ADAMTSL1: variants seen among roughly 807,000 people sequenced by gnomAD.
The protein encoded by ADAMTSL1 is ADAMTS like 1, also known as ADAMTS-like protein 1.
ADAMTSL1 carries 126 observed loss-of-function variants against 201.8 expected under a neutral mutation model. The ratio of observed to expected loss-of-function variants is 0.62; its 90% CI spans 0.54 to 0.72. ADAMTSL1 has a LOEUF of 0.72. Ranked by LOEUF, ADAMTSL1 falls within the 30% of genes least tolerant of loss-of-function variation. The probability of loss-of-function intolerance (pLI) is 0.00; values close to 1 mark genes in which losing one functional copy is unlikely to be tolerated. For missense variants in ADAMTSL1, 2,679 were observed against 2,277.8 expected, an observed-to-expected ratio of 1.18 and a Z score of -3.59; for synonymous variants, 1,121 against 903.4, an observed-to-expected ratio of 1.24 and a Z score of -4.32.
At chr9:18,714,920 C>G (rs1484056474) in intron 14 of ADAMTSL1, among the ~76,000 whole-genome samples, 1 of 149,342 alleles carries the variant, frequency 6.7e-6, no homozygotes, top group African/African-American at 2.4e-5. Context: ...GGGCTTCATC[C>G]CTGGGATGCA....
intron 14 of ADAMTSL1, among the ~76,000 whole-genome samples, chr9:18,712,209 T>A (rs1462055166): frequency 4.1e-4 from 63 of 152,136 alleles, no homozygotes; most frequent in Non-Finnish European, 2.1e-4. Context: ...CTCCAAAGGA[T>A]CACAGTTCCT....
chr9:18,213,888 G>A (rs562034600), intron 2 of ADAMTSL1, among the ~76,000 whole-genome samples: 1 of 151,846 alleles, frequency 6.6e-6, no homozygotes, highest in South Asian at 2.1e-4. Flanking sequence ...TACACGCCTG[G>A]CTTGCTTGCT....
chr9:18,426,400 C>T (rs1819224178), intron 2 of ADAMTSL1, among the ~76,000 whole-genome samples: 1 of 152,082 alleles, frequency 6.6e-6, no homozygotes, highest in African/African-American at 2.4e-5. Context: ...AAATAATTCC[C>T]TAAGTATAAG....
At chr9:18,527,946 C>A (rs573786440) in intron 2 of ADAMTSL1, among the ~76,000 whole-genome samples, 1 of 152,154 alleles carries the variant, frequency 6.6e-6, no homozygotes, top group Non-Finnish European at 1.5e-5. Flanking sequence ...GGTACAATCT[C>A]GGCTCACTGC....
chr9:18,268,664 T>C (rs1023652266), intron 2 of ADAMTSL1, among the ~76,000 whole-genome samples: 3 of 152,176 alleles, frequency 2.0e-5, no homozygotes, highest in African/African-American at 7.2e-5. Context: ...TAGAGTCCTC[T>C]CTAAATCATC....
chr9:18,082,728 A>G (rs1394744733), intron 1 of ADAMTSL1, among the ~76,000 whole-genome samples: 1 of 152,110 alleles, frequency 6.6e-6, no homozygotes, highest in Admixed American at 6.5e-5. Flanking sequence ...CCCTCTGCTC[A>G]CTGTTGTGAA....
intron 2 of ADAMTSL1, among the ~76,000 whole-genome samples, chr9:18,164,979 G>A (rs1338778664): frequency 6.6e-6 from 1 of 151,754 alleles, no homozygotes; most frequent in Non-Finnish European, 1.5e-5. Flanking sequence ...GGCCCAGTGT[G>A]AGCAAGAATG....
At chr9:18,165,012 C>T (rs1275906989) in intron 2 of ADAMTSL1, among the ~76,000 whole-genome samples, 2 of 151,740 alleles carry the variant, frequency 1.3e-5, no homozygotes, top group East Asian at 3.9e-4. Context: ...CCCAATGGTG[C>T]TATAATACAT....
At chr9:18,780,809 G>A (rs1176855858) in intron 19 of ADAMTSL1, among the ~76,000 whole-genome samples, 4 of 152,230 alleles carry the variant, frequency 2.6e-5, no homozygotes, top group East Asian at 3.9e-4. Context: ...GTAGGTAGAG[G>A]TCTATATTAC....
At chr9:18,459,804 T>C (rs1820742317) in intron 2 of ADAMTSL1, among the ~76,000 whole-genome samples, 1 of 152,208 alleles carries the variant, frequency 6.6e-6, no homozygotes, top group Admixed American at 6.5e-5. Flanking sequence ...TGGAAAGCAA[T>C]TCGTAAATAT....
At chr9:18,601,806 C>CAT (rs1824677344) in intron 4 of ADAMTSL1, among the ~76,000 whole-genome samples, 1 of 151,138 alleles carries the variant, frequency 6.6e-6, no homozygotes. Flanking sequence ...TGTAATGTAG[C>CAT]ATATCTATAC....
chr9:18,766,166 C>T (rs898843909), intron 16 of ADAMTSL1, among the ~76,000 whole-genome samples: 1 of 152,090 alleles, frequency 6.6e-6, no homozygotes, highest in Non-Finnish European at 1.5e-5. Context: ...CTAGCTAGAA[C>T]CATGCTTGGT....
At chr9:18,733,795 C>A (rs1301675039) in intron 15 of ADAMTSL1, among the ~76,000 whole-genome samples, 1 of 151,972 alleles carries the variant, frequency 6.6e-6, no homozygotes, top group East Asian at 1.9e-4. Flanking sequence ...TATTCTCAGT[C>A]ACCTTGCCTT....
intron 1 of ADAMTSL1, among the ~76,000 whole-genome samples, chr9:18,039,598 A>G (rs1310968655): frequency 6.6e-6 from 1 of 152,166 alleles, no homozygotes; most frequent in African/African-American, 2.4e-5. Flanking sequence ...CATTGAGCAA[A>G]TTAACTGAGT....
At chr9:18,330,731 G>C (rs1483689090) in intron 2 of ADAMTSL1, among the ~76,000 whole-genome samples, 1 of 152,130 alleles carries the variant, frequency 6.6e-6, no homozygotes, top group Non-Finnish European at 1.5e-5. Flanking sequence ...ACTCCCTATA[G>C]ACAAATATGA....
chr9:18,062,722 T>C (rs1014393701), intron 1 of ADAMTSL1, among the ~76,000 whole-genome samples: 2 of 152,002 alleles, frequency 1.3e-5, no homozygotes, highest in African/African-American at 4.8e-5. Context: ...TTTTATCCCT[T>C]CAATCTGTAT....
intron 2 of ADAMTSL1, among the ~76,000 whole-genome samples, chr9:18,286,267 C>G (rs149028557): frequency 6.6e-6 from 1 of 152,096 alleles, no homozygotes; most frequent in African/African-American, 2.4e-5. Flanking sequence ...TGTATTCAGT[C>G]TAAGCACATT....
chr9:17,978,946 T>G (rs542491700), intron 1 of ADAMTSL1, among the ~76,000 whole-genome samples: 25 of 127,406 alleles, frequency 2.0e-4, no homozygotes, highest in Admixed American at 1.3e-3. Flanking sequence ...CTAGGTAAAG[T>G]ATTCTTGGTT....
chr9:18,115,764 A>G (rs1471653737), intron 1 of ADAMTSL1, among the ~76,000 whole-genome samples: 2 of 152,166 alleles, frequency 1.3e-5, no homozygotes, highest in Admixed American at 6.5e-5. Flanking sequence ...GTGATTTTAC[A>G]AATAGTGATG....
Sources: gnomAD v4.1 joint callset for allele counts (sites outside exome capture counted in the v4.1 genomes callset) on GRCh38, gnomAD v4.1.1 for gene constraint, MANE v1.5 for transcripts, NCBI Gene and HGNC (gene_info 2026-07-23, HGNC 2026-07-21) for gene names.